Variants in ENOX1 observed in about 807,000 individuals in gnomAD.
The protein encoded by ENOX1 is candidate growth-related and time keeping constitutive hydroquinone (NADH) oxidase.
In ENOX1, 42 loss-of-function variants were observed where a neutral mutation model predicts 82.5. The ratio of observed to expected loss-of-function variants is 0.51; its 90% CI spans 0.40 to 0.66. The LOEUF is 0.66. ENOX1 is among the 30% of genes least tolerant of loss of function. ENOX1 has a pLI of 0.00. For synonymous variants in ENOX1, 271 were observed against 282.2 expected, an observed-to-expected ratio of 0.96 and a Z score of 0.40; for missense variants, 608 against 811.6, an observed-to-expected ratio of 0.75 and a Z score of 3.05.
intron 5 of ENOX1, among the ~76,000 whole-genome samples, chr13:43,392,141 G>A (rs547879017): frequency 6.6e-6 from 1 of 152,230 alleles, no homozygotes; most frequent in South Asian, 2.1e-4. Flanking sequence ...CACTGTTCGT[G>A]GTTACCTGAA....
intron 2 of ENOX1, among the ~76,000 whole-genome samples, chr13:43,662,150 A>G (rs1220790257): frequency 6.6e-6 from 1 of 152,194 alleles, no homozygotes; most frequent in African/African-American, 2.4e-5. Flanking sequence ...CAATTACTTT[A>G]ATTCCATTAT....
intron 11 of ENOX1, among the ~76,000 whole-genome samples, chr13:43,302,937 G>A (rs1186967826): frequency 6.6e-6 from 1 of 152,166 alleles, no homozygotes; most frequent in Non-Finnish European, 1.5e-5. Context: ...TTCATGCTCA[G>A]GCAAGATGTA....
At chr13:43,246,759 G>A (rs1346074496) in intron 14 of ENOX1, among the ~76,000 whole-genome samples, 1 of 152,160 alleles carries the variant, frequency 6.6e-6, no homozygotes, top group Non-Finnish European at 1.5e-5. Flanking sequence ...TGGGCAGGTG[G>A]AGAGGCTCAG....
intron 2 of ENOX1, among the ~76,000 whole-genome samples, chr13:43,537,242 A>G (rs1247328213): frequency 6.6e-6 from 1 of 152,186 alleles, no homozygotes; most frequent in East Asian, 1.9e-4. Context: ...CTGCCACTAG[A>G]TATGGGGCTC....
rs189027855 is a variant in ENOX1, at chr13:43,649,267, T to C, written c.-219+18212A>G. 1.2e-3 allele frequency among the ~76,000 whole-genome samples: 187 copies of C among 152,276 alleles called. 1 individual carries two copies. The highest frequency in any genetic ancestry group is 1.6e-3 in the Non-Finnish European group (111 of 68,012). ...CCCTTTCATAGGTTGTCTATAAAAG[T>C]AAAACTAGAACATCCAAGTAATCTG... On this transcript the variant is annotated intron_variant, in intron 2 of 16. Coordinates refer to ENST00000690772, the MANE Select transcript of ENOX1 (RefSeq NM_001347969.2).
chr13:43,353,961 G>C (rs932650960), intron 8 of ENOX1, among the ~76,000 whole-genome samples: 5 of 152,234 alleles, frequency 3.3e-5, no homozygotes, highest in African/African-American at 4.8e-5. Flanking sequence ...CATACGTGCG[G>C]AGACACTTCT....
intron 2 of ENOX1, among the ~76,000 whole-genome samples, chr13:43,533,753 T>C (rs970771387): frequency 6.6e-6 from 1 of 152,174 alleles, no homozygotes; most frequent in Non-Finnish European, 1.5e-5. Flanking sequence ...ATATACAGAG[T>C]TAGCCTCATT....
rs558553513 is a variant in ENOX1, at chr13:43,235,731, CAAA to C, written c.1714+902_1714+904del. On this transcript the variant is annotated intron_variant, in intron 15 of 16. Transcript: ENST00000690772. The stretch of plus-strand genomic sequence containing the variant: ...TGGGCAACAGAGTGAGACCCTGTCT[CAAA>C]AAAAAAAAAAAAAAAATGCAACCAG... Among the ~76,000 whole-genome samples, 36 of 82,590 alleles carry C rather than the reference CAAA, an allele frequency of 4.4e-4. No homozygotes were observed. In the South Asian group the frequency reaches 4.5e-3, roughly 10 times the overall value. The allele number at this position is 82,590 out of a possible 152,430, so 54.2% of individuals were successfully genotyped here.
chr13:43,579,844 C>A (rs2080623308), intron 2 of ENOX1, among the ~76,000 whole-genome samples: 1 of 152,160 alleles, frequency 6.6e-6, no homozygotes, highest in Non-Finnish European at 1.5e-5. Flanking sequence ...AAACTCAAAG[C>A]AGCCCATATT....
chr13:43,589,204 T>C (rs2081126905), intron 2 of ENOX1, among the ~76,000 whole-genome samples: 1 of 116,840 alleles, frequency 8.6e-6, no homozygotes. Flanking sequence ...CCCAGAGCTT[T>C]GGACATTAAT....
chr13:43,379,389 C>T (rs898036783), intron 5 of ENOX1, among the ~76,000 whole-genome samples: 5 of 151,824 alleles, frequency 3.3e-5, no homozygotes, highest in African/African-American at 9.7e-5. Context: ...AATTCGTAGA[C>T]AAAAATATTA....
At chr13:43,549,163 T>A (rs2079087515) in intron 2 of ENOX1, among the ~76,000 whole-genome samples, 1 of 152,228 alleles carries the variant, frequency 6.6e-6, no homozygotes, top group South Asian at 2.1e-4. Flanking sequence ...TTTATGGAAT[T>A]AGACTGTTGT....
At chr13:43,653,738 T>C (rs1181399612) in intron 2 of ENOX1, among the ~76,000 whole-genome samples, 1 of 148,974 alleles carries the variant, frequency 6.7e-6, no homozygotes, top group Non-Finnish European at 1.5e-5. Context: ...CCTTGTTCAA[T>C]GAAAATTTGC....
chr13:43,361,545 C>G lies in ENOX1; in HGVS notation c.209-93G>C, dbSNP rs568228309. On this transcript the variant is annotated intron_variant, in intron 5 of 16. Transcript: ENST00000690772. Reference sequence around the variant, plus strand: ...TTCCTGTGGATTATTTGACTTTATACTTTCTATTTTTCAGGAATTTCTCCT... The same window carrying G: ...TTCCTGTGGATTATTTGACTTTATAGTTTCTATTTTTCAGGAATTTCTCCT... The G allele has an allele frequency of 1.8e-5, 22 of 1,203,784 alleles. No homozygotes were observed. The African/African-American group carries it at 3.2e-4, about 17-fold the overall frequency. 74.6% of individuals were successfully genotyped at this position (1,203,784 alleles called of 1,614,324 possible). A position where few individuals can be genotyped will look rare whatever the true frequency, so the allele number is the denominator to read the frequency against.
chr13:43,290,302 T>C (rs913942783), intron 12 of ENOX1, among the ~76,000 whole-genome samples: 1 of 151,982 alleles, frequency 6.6e-6, no homozygotes, highest in South Asian at 2.1e-4. Context: ...CTATTCACAA[T>C]AGGAAAGACA....
At chr13:43,548,567 T>C (rs1351114313) in intron 2 of ENOX1, among the ~76,000 whole-genome samples, 1 of 152,186 alleles carries the variant, frequency 6.6e-6, no homozygotes, top group Non-Finnish European at 1.5e-5. Flanking sequence ...GCAACCTCAG[T>C]TTTATAAAAC....
At chr13:43,230,780 T>C (rs2042242863) in intron 15 of ENOX1, among the ~76,000 whole-genome samples, 1 of 152,200 alleles carries the variant, frequency 6.6e-6, no homozygotes. Flanking sequence ...TGCATCCTTA[T>C]ACAAAAGATG....
At chr13:43,562,882 A>G (rs1405663782) in intron 2 of ENOX1, among the ~76,000 whole-genome samples, 1 of 152,140 alleles carries the variant, frequency 6.6e-6, no homozygotes. Context: ...ACCCAAATAT[A>G]GAAAGCAAAT....
At chr13:43,263,402 T>A (rs978788157) in intron 14 of ENOX1, among the ~76,000 whole-genome samples, 4 of 152,172 alleles carry the variant, frequency 2.6e-5, no homozygotes, top group Admixed American at 2.6e-4. Context: ...TTGCTTTGAG[T>A]TGATAACAAA....
Sources: allele counts gnomAD v4.1 joint callset (sites outside exome capture counted in the v4.1 genomes callset), GRCh38; gene constraint gnomAD v4.1.1; transcripts MANE v1.5; gene names NCBI Gene and HGNC (gene_info 2026-07-23, HGNC 2026-07-21).